PPARGC1A: variants seen among roughly 807,000 people sequenced by gnomAD.
PPARGC1A encodes peroxisome proliferator-activated receptor gamma coactivator 1-alpha.
PPARGC1A carries 25 observed loss-of-function variants against 88.7 expected under a neutral mutation model. That is an observed-to-expected ratio of 0.28 (90% CI 0.21 to 0.39). The LOEUF (loss-of-function observed/expected upper bound fraction) is 0.39. PPARGC1A is among the 10% of genes least tolerant of loss of function. PPARGC1A has a pLI of 1.00. For synonymous variants in PPARGC1A, 363 were observed against 355.6 expected (o/e 1.02, Z -0.24); for missense variants, 880 against 968.7 (o/e 0.91, Z 1.22).
chr4:24,175,363 T>C, the PPARGC1A span, among the ~76,000 whole-genome samples: 22 of 148,802 alleles, frequency 1.5e-4, no homozygotes, highest in East Asian at 3.7e-3. Flanking sequence ...TTTTTTTTTT[T>C]CTCTTTGTTT....
At chr4:24,445,363 G>A in the PPARGC1A span, among the ~76,000 whole-genome samples, 23 of 152,296 alleles carry the variant, frequency 1.5e-4, no homozygotes, top group South Asian at 2.7e-3. Context: ...CCATGTGTCC[G>A]TAAGGCTGTG....
the PPARGC1A span, among the ~76,000 whole-genome samples, chr4:24,284,304 A>G: frequency 0.9 from 136,443 of 151,990 alleles, 61,406 homozygotes; most frequent in East Asian, 0.98. Flanking sequence ...GCGAGACTCC[A>G]TCTCAAAACA....
the PPARGC1A span, among the ~76,000 whole-genome samples, chr4:24,010,332 T>G: frequency 1.3e-5 from 2 of 152,220 alleles, no homozygotes; most frequent in African/African-American, 2.4e-5. Context: ...AAGGTGGCTT[T>G]GTGCAGGATG....
upstream of PPARGC1A, among the ~76,000 whole-genome samples, chr4:23,903,579 T>C (rs1256797615): frequency 1.5e-4 from 23 of 152,184 alleles, no homozygotes; most frequent in Admixed American, 1.2e-3. Context: ...CCTGGAGCCA[T>C]GCAATACAGT....
intron 2 of PPARGC1A, among the ~76,000 whole-genome samples, chr4:23,874,601 C>A (rs1714309481): frequency 6.6e-6 from 1 of 151,872 alleles, no homozygotes; most frequent in Non-Finnish European, 1.5e-5. Context: ...TGCACATACA[C>A]AGGCACACAC....
chr4:24,372,153 C>T, the PPARGC1A span, among the ~76,000 whole-genome samples: 3 of 152,182 alleles, frequency 2.0e-5, no homozygotes, highest in Non-Finnish European at 4.4e-5. Flanking sequence ...AACTAAGGCA[C>T]ATGAGCTACA....
At chr4:23,845,953 C>G (rs567473004) in intron 2 of PPARGC1A, among the ~76,000 whole-genome samples, 2 of 152,198 alleles carry the variant, frequency 1.3e-5, no homozygotes, top group South Asian at 4.1e-4. Flanking sequence ...CAGACTCATT[C>G]ATGATTATCA....
At chr4:24,417,148 G>A in the PPARGC1A span, among the ~76,000 whole-genome samples, 3 of 152,122 alleles carry the variant, frequency 2.0e-5, no homozygotes, top group Non-Finnish European at 4.4e-5. Flanking sequence ...GGAAGTGAAA[G>A]AAGAAAGGAA....
At chr4:24,062,776 TATA>T in the PPARGC1A span, among the ~76,000 whole-genome samples, 1 of 152,224 alleles carries the variant, frequency 6.6e-6, no homozygotes, top group Non-Finnish European at 1.5e-5. Flanking sequence ...TATCATTGAC[TATA>T]CTACCAATTC....
the PPARGC1A span, among the ~76,000 whole-genome samples, chr4:24,064,970 A>G: frequency 0.03 from 4,508 of 152,270 alleles, 218 homozygotes; most frequent in African/African-American, 0.1. Flanking sequence ...GTGCCAGGAC[A>G]ACGTTAAGAT....
chr4:23,927,497 C>G, the PPARGC1A span, among the ~76,000 whole-genome samples: 1 of 152,054 alleles, frequency 6.6e-6, no homozygotes, highest in South Asian at 2.1e-4. Flanking sequence ...GTAATTGGAT[C>G]TGTTTCACCT....
the PPARGC1A span, among the ~76,000 whole-genome samples, chr4:24,242,062 A>G: frequency 6.6e-6 from 1 of 152,122 alleles, no homozygotes; most frequent in East Asian, 1.9e-4. Context: ...CTCCTGCTTA[A>G]TAACTCCAGC....
At chr4:24,296,195 G>C in the PPARGC1A span, among the ~76,000 whole-genome samples, 2 of 149,974 alleles carry the variant, frequency 1.3e-5, no homozygotes, top group African/African-American at 4.9e-5. Context: ...GTGTGTATGT[G>C]TGTGTGTGTA....
the PPARGC1A span, among the ~76,000 whole-genome samples, chr4:24,295,747 A>G: frequency 6.7e-6 from 1 of 150,198 alleles, no homozygotes; most frequent in Non-Finnish European, 1.5e-5. Flanking sequence ...TATATATTAT[A>G]TATGTATTTA....
chr4:24,168,049 T>C, the PPARGC1A span, among the ~76,000 whole-genome samples: 2 of 152,136 alleles, frequency 1.3e-5, no homozygotes, highest in African/African-American at 4.8e-5. Context: ...GCCACCACAC[T>C]CAGCCAAGAA....
At chr4:23,917,723 C>G in the PPARGC1A span, among the ~76,000 whole-genome samples, 3 of 152,114 alleles carry the variant, frequency 2.0e-5, no homozygotes, top group East Asian at 5.8e-4. Context: ...ATGAGTGAAG[C>G]CCCGATCTTA....
chr4:24,401,862 TG>T, the PPARGC1A span, among the ~76,000 whole-genome samples: 5 of 152,250 alleles, frequency 3.3e-5, no homozygotes, highest in South Asian at 8.3e-4. Flanking sequence ...TCAGTAAACA[TG>T]TAAGTCTTGG....
At chr4:24,208,956 T>C in the PPARGC1A span, among the ~76,000 whole-genome samples, 4 of 152,170 alleles carry the variant, frequency 2.6e-5, no homozygotes, top group Non-Finnish European at 5.9e-5. Flanking sequence ...CAGATAATAA[T>C]GGCAGAATGC....
At chr4:24,034,184 AG>A in the PPARGC1A span, among the ~76,000 whole-genome samples, 1 of 152,334 alleles carries the variant, frequency 6.6e-6, no homozygotes, top group Admixed American at 6.5e-5. Context: ...AAGATACTTA[AG>A]ATAGAGAGAA....
Sources: allele counts gnomAD v4.1 joint callset (sites outside exome capture counted in the v4.1 genomes callset), GRCh38; gene constraint gnomAD v4.1.1; transcripts MANE v1.5; gene names NCBI Gene and HGNC (gene_info 2026-07-23, HGNC 2026-07-21).